FRMD3: variants seen among roughly 807,000 people sequenced by gnomAD.
FRMD3 encodes the protein FERM domain containing 3.
A neutral mutation model predicts 70.2 loss-of-function variants in FRMD3; 33 were observed. That is an observed-to-expected ratio of 0.47 (90% confidence interval 0.36 to 0.63). The LOEUF is 0.63. Ranked by LOEUF, FRMD3 falls within the 20% of genes least tolerant of loss-of-function variation. The pLI is 0.00. For synonymous variants in FRMD3, 279 were observed against 255.9 expected (o/e 1.09, Z -0.86); for missense variants, 632 against 711.4 (o/e 0.89, Z 1.27).
At chr9:83,479,720 GAAAAGAA>G in intron 1 of FRMD3, among the ~76,000 whole-genome samples, 1 of 55,006 alleles carries the variant, frequency 1.8e-5, no homozygotes, top group Non-Finnish European at 3.3e-5. Flanking sequence ...AAGAAAGAAA[GAAAAGAA>G]AGGGAAAGAA....
rs538696288 is a variant in FRMD3 at position 83,537,326 on chromosome 9, A to G, written c.147+759T>C. Reference sequence around the variant, plus strand: ...CTTGGGCGACAGTGAATGTCCACCAAGATTCCACGGGGCTCTTTTACCCAG... The same window carrying G: ...CTTGGGCGACAGTGAATGTCCACCAGGATTCCACGGGGCTCTTTTACCCAG... On this transcript the variant is annotated intron_variant, in intron 1 of 13. Transcript: ENST00000304195. This position sits in a 1 kb window ranked among gnomAD's most constrained non-coding sequence, Gnocchi z 4.1. Among the ~76,000 whole-genome samples the G allele has an allele frequency of 6.6e-6, 1 of 152,308 alleles. No homozygotes were observed. The highest frequency in any genetic ancestry group is 2.1e-4 in the South Asian group (1 of 4,822).
chr9:83,446,238 G>A (rs950430313), intron 1 of FRMD3, among the ~76,000 whole-genome samples: 13 of 152,154 alleles, frequency 8.5e-5, no homozygotes. Flanking sequence ...TGAAGTGTGT[G>A]AGATCTGATT....
At chr9:83,262,353 G>GCA (rs1416230948) in intron 13 of FRMD3, among the ~76,000 whole-genome samples, 2 of 152,142 alleles carry the variant, frequency 1.3e-5, no homozygotes, top group African/African-American at 4.8e-5. Context: ...TTGTTTTCAT[G>GCA]CACTGCTCAC....
chr9:83,502,317 C>T (rs1829087268), intron 1 of FRMD3, among the ~76,000 whole-genome samples: 2 of 152,278 alleles, frequency 1.3e-5, no homozygotes, highest in Admixed American at 1.3e-4. Flanking sequence ...ATTCTAAAGG[C>T]ATGTTCCCAG....
At chr9:83,273,636 A>G (rs550161818) in intron 13 of FRMD3, among the ~76,000 whole-genome samples, 2,337 of 140,970 alleles carry the variant, frequency 0.017, 59 homozygotes, top group African/African-American at 0.062. Context: ...AACCTGGGGA[A>G]AAAAAAAAAA....
intron 1 of FRMD3, among the ~76,000 whole-genome samples, chr9:83,499,370 G>A (rs1012548675): frequency 2.0e-5 from 3 of 151,964 alleles, no homozygotes; most frequent in African/African-American, 7.3e-5. Flanking sequence ...GCTGATGAGG[G>A]GGCCTCATCA....
At chr9:83,523,525 A>C (rs1829625579) in intron 1 of FRMD3, among the ~76,000 whole-genome samples, 1 of 152,228 alleles carries the variant, frequency 6.6e-6, no homozygotes, top group South Asian at 2.1e-4. Flanking sequence ...TAAACACACT[A>C]AAGAAAGGTT....
chr9:83,421,098 G>T (rs796888065), intron 1 of FRMD3, among the ~76,000 whole-genome samples: 3 of 151,270 alleles, frequency 2.0e-5, no homozygotes, highest in Non-Finnish European at 2.9e-5. Context: ...CCGCCACCAC[G>T]CCCGGCTAAT....
At chr9:83,399,549 A>G (rs1261661068) in intron 1 of FRMD3, among the ~76,000 whole-genome samples, 1 of 152,164 alleles carries the variant, frequency 6.6e-6, no homozygotes, top group Non-Finnish European at 1.5e-5. Context: ...AAGCACTCAC[A>G]TCAGAATAAT....
chr9:83,280,729 T>C (rs988338628), intron 13 of FRMD3, among the ~76,000 whole-genome samples: 1 of 152,240 alleles, frequency 6.6e-6, no homozygotes, highest in Non-Finnish European at 1.5e-5. Context: ...ATATCTGTCA[T>C]TGTATATATG....
chr9:83,450,210 C>T (rs562458710), intron 1 of FRMD3, among the ~76,000 whole-genome samples: 115 of 103,486 alleles, frequency 1.1e-3, no homozygotes, highest in African/African-American at 2.1e-3. Context: ...CACCCGTGCG[C>T]GCACACACAC....
upstream of FRMD3, chr9:83,538,636 G>C (rs1829956993): frequency 6.3e-6 from 1 of 158,568 alleles, no homozygotes; most frequent in Non-Finnish European, 1.4e-5. This position sits in a 1 kb window ranked among gnomAD's most constrained non-coding sequence, Gnocchi z 4.7. Flanking sequence ...GTGGTGGCCT[G>C]CTCAGTCGCA....
At chr9:83,368,960 T>A (rs532941086) in intron 3 of FRMD3, among the ~76,000 whole-genome samples, 13 of 152,212 alleles carry the variant, frequency 8.5e-5, no homozygotes, top group African/African-American at 2.6e-4. Flanking sequence ...GTTCAAGCGA[T>A]TCTCCTGCCT....
chr9:83,362,175 TTCTCTCTC>T (rs67469418), intron 3 of FRMD3, among the ~76,000 whole-genome samples: 246 of 146,946 alleles, frequency 1.7e-3, no homozygotes, highest in African/African-American at 2.3e-3. Flanking sequence ...ATGCTGTTGG[TTCTCTCTC>T]TCTCTCTCTC....
intron 3 of FRMD3, among the ~76,000 whole-genome samples, chr9:83,364,735 T>C (rs1006182512): frequency 1.3e-5 from 2 of 152,260 alleles, no homozygotes; most frequent in Non-Finnish European, 2.9e-5. Flanking sequence ...CTAAAACTTT[T>C]ATAAATTGTT....
At chr9:83,479,154 C>T (rs1308802168) in intron 1 of FRMD3, among the ~76,000 whole-genome samples, 1 of 151,800 alleles carries the variant, frequency 6.6e-6, no homozygotes, top group East Asian at 1.9e-4. Flanking sequence ...ACGGCCAATG[C>T]AAAAAGAAAA....
intron 3 of FRMD3, among the ~76,000 whole-genome samples, chr9:83,359,076 C>T (rs1379605296): frequency 1.3e-5 from 2 of 152,160 alleles, no homozygotes; most frequent in African/African-American, 4.8e-5. Context: ...GATGATCCTT[C>T]CCCCACTCTT....
intron 6 of FRMD3, among the ~76,000 whole-genome samples, chr9:83,317,211 C>T (rs1027039736): frequency 3.3e-5 from 5 of 151,802 alleles, no homozygotes; most frequent in African/African-American, 9.7e-5. Flanking sequence ...CACACACACA[C>T]ACACACACAC....
At chr9:83,346,638 T>C (rs1398417119) in intron 4 of FRMD3, among the ~76,000 whole-genome samples, 1 of 152,238 alleles carries the variant, frequency 6.6e-6, no homozygotes, top group Admixed American at 6.5e-5. Context: ...GGCACAAATC[T>C]GTGCACATAC....
Sources: gnomAD v4.1 joint callset for allele counts (sites outside exome capture counted in the v4.1 genomes callset) on GRCh38, gnomAD v4.1.1 for gene constraint, Gnocchi (gnomAD v3.1) non-coding constraint, MANE v1.5 for transcripts, NCBI Gene and HGNC (gene_info 2026-07-23, HGNC 2026-07-21) for gene names.